The following ARHGEF28 variants were observed in gnomAD, a reference collection of about 807,000 sequenced individuals.
ARHGEF28 encodes Rho guanine nucleotide exchange factor 28.
Under a neutral mutation model 206.6 loss-of-function variants are expected in ARHGEF28, and 152 were observed. The observed-to-expected ratio is 0.74, with a 90% confidence interval of 0.64 to 0.84. The LOEUF (loss-of-function observed/expected upper bound fraction) is 0.84, where lower values mean the gene tolerates loss of function less well. ARHGEF28 is among the 40% of genes least tolerant of loss of function. The pLI is 0.00. For missense variants in ARHGEF28, 2,028 were observed against 2,073.2 expected (o/e 0.98, Z 0.42); for synonymous variants, 763 against 776.4 (o/e 0.98, Z 0.29).
intron 10 of ARHGEF28, among the ~76,000 whole-genome samples, chr5:73,835,529 G>T (rs548871753): frequency 6.6e-6 from 1 of 151,852 alleles, no homozygotes; most frequent in East Asian, 1.9e-4. Context: ...CTGAATACAT[G>T]GGGGTTCCTG....
intron 7 of ARHGEF28, 153 bp from the exon 8 acceptor site, chr5:73,794,249 C>G (rs1033397892): frequency 5.1e-6 from 3 of 593,552 alleles, no homozygotes; most frequent in Non-Finnish European, 8.8e-6. Flanking sequence ...ACACTCTGCT[C>G]TGTGGAGAGC....
intron 11 of ARHGEF28, among the ~76,000 whole-genome samples, chr5:73,841,178 A>T (rs1381293571): frequency 6.6e-6 from 1 of 152,206 alleles, no homozygotes; most frequent in East Asian, 1.9e-4. Context: ...TTATTATAGC[A>T]GCAGGAAATA....
intron 35 of ARHGEF28, among the ~76,000 whole-genome samples, chr5:73,934,384 A>G (rs1422191852): frequency 6.6e-6 from 1 of 152,202 alleles, no homozygotes; most frequent in Non-Finnish European, 1.5e-5. Flanking sequence ...TGTTATTAAA[A>G]TTGATCCTTG....
At chr5:73,832,532 G>A in intron 10 of ARHGEF28, 73 bp downstream of exon 10, 2 of 1,544,096 alleles carry the variant, frequency 1.3e-6, no homozygotes, top group Non-Finnish European at 1.8e-6. Flanking sequence ...AATAGATTCA[G>A]CATTGTTGTG....
At position 73,776,802 on chromosome 5, in the gene ARHGEF28, A is replaced by C. The variant is rs2112453115; in HGVS notation, c.840+106A>C. On this transcript the variant is annotated intron_variant, in intron 6 of 35. Transcript: ENST00000513042. ...TTTTTTGGGGGTAGGACTTTTTTTA[A>C]TGAAACCTTGGGGGACATGAAATTG... is the stretch of plus-strand genomic sequence containing the variant. 7 of 1,051,762 alleles carry C rather than the reference A, an allele frequency of 6.7e-6. No homozygotes were observed. In the South Asian group the frequency reaches 1.4e-4, roughly 21 times the overall value. The allele number at this position is 1,051,762 out of a possible 1,614,324, so 65.2% of individuals were successfully genotyped here. A position where few individuals can be genotyped will look rare whatever the true frequency, so the allele number is the denominator to read the frequency against.
intron 6 of ARHGEF28, among the ~76,000 whole-genome samples, chr5:73,779,558 C>T (rs768460797): frequency 2.6e-5 from 4 of 152,096 alleles, no homozygotes; most frequent in Non-Finnish European, 4.4e-5. Flanking sequence ...CATTGAAAGA[C>T]GGGGGGTCAG....
intron 2 of ARHGEF28, among the ~76,000 whole-genome samples, chr5:73,745,147 GTGT>G (rs1190069770): frequency 6.6e-5 from 10 of 151,962 alleles, no homozygotes; most frequent in Admixed American, 6.6e-4. Context: ...GAGAGTTAAG[GTGT>G]TGTTCAGCAA....
chr5:73,918,848 C>G (rs922727011), intron 35 of ARHGEF28, among the ~76,000 whole-genome samples: 2 of 152,158 alleles, frequency 1.3e-5, no homozygotes, highest in African/African-American at 4.8e-5. Flanking sequence ...AAAAAAAATA[C>G]AGGTTCCTCT....
chr5:73,898,900 GAT>G (rs1245311524), intron 30 of ARHGEF28: 2 of 152,152 alleles, frequency 1.3e-5, no homozygotes, highest in Admixed American at 6.5e-5. Context: ...ATGTGCGTAA[GAT>G]AAAATGGATA....
rs189566076 is a variant in ARHGEF28 at position 73,787,774 on chromosome 5, T to C, written c.911-6628T>C. ...CCTTTTCTGTATTTCCTTTAGTGAC[T>C]GACTTTGCCAGTCCTCTTTCTTCTC... On this transcript the variant is annotated intron_variant, in intron 7 of 35. Transcript: ENST00000513042. Among the ~76,000 whole-genome samples, 157 of 152,344 alleles carry C rather than the reference T, an allele frequency of 1.0e-3. 2 individuals carry two copies. The highest frequency in any genetic ancestry group is 3.6e-3 in the African/African-American group (150 of 41,586).
chr5:73,913,557 G>A (rs767832067), intron 35 of ARHGEF28, among the ~76,000 whole-genome samples: 41 of 152,328 alleles, frequency 2.7e-4, no homozygotes, highest in Non-Finnish European at 4.9e-4. Context: ...GCTAGGCTCC[G>A]TGGGCGCTTG....
rs386404110 is a variant in ARHGEF28, at chr5:73,932,800, CTTTTTTTTTTTTTTT to C, written c.4949-8032_4949-8018del. 9.5e-5 allele frequency among the ~76,000 whole-genome samples: 7 copies of C among 73,436 alleles called. No homozygotes were observed. In the East Asian group the frequency reaches 3.3e-3, roughly 34 times the overall value. 48.2% of individuals were successfully genotyped at this position (73,436 alleles called of 152,430 possible). ...GTTATACTACTTTTATTTCCTATTT[CTTTTTTTTTTTTTTT>C]TTTTTTTTTTTGAGACAGAGTTTCG... On this transcript the variant is annotated intron_variant, in intron 35 of 35. Coordinates refer to ENST00000513042, the MANE Select transcript of ARHGEF28 (RefSeq NM_001177693.2).
At chr5:73,639,791 G>A (rs1403310022) in intron 1 of ARHGEF28, among the ~76,000 whole-genome samples, 2 of 152,142 alleles carry the variant, frequency 1.3e-5, no homozygotes, top group Admixed American at 6.6e-5. Flanking sequence ...CGTGTTGGGG[G>A]TTGACATTTA....
At chr5:73,687,090 C>A (rs1747524446) in intron 2 of ARHGEF28, among the ~76,000 whole-genome samples, 1 of 152,100 alleles carries the variant, frequency 6.6e-6, no homozygotes, top group Non-Finnish European at 1.5e-5. Flanking sequence ...ATATTGTTGT[C>A]ATTTCAGTTT....
chr5:73,789,131 C>T (rs1316164419), intron 7 of ARHGEF28, among the ~76,000 whole-genome samples: 1 of 152,128 alleles, frequency 6.6e-6, no homozygotes, highest in Non-Finnish European at 1.5e-5. Context: ...TATCCATCAG[C>T]TGAGGAATAG....
chr5:73,758,047 C>T, intron 4 of ARHGEF28, among the ~76,000 whole-genome samples: 1 of 152,164 alleles, frequency 6.6e-6, no homozygotes, highest in East Asian at 1.9e-4. Flanking sequence ...CTCCATCAAA[C>T]TACCTCCCTC....
intron 10 of ARHGEF28, among the ~76,000 whole-genome samples, chr5:73,839,245 T>G (rs1170849651): frequency 1.3e-5 from 2 of 152,198 alleles, no homozygotes; most frequent in African/African-American, 4.8e-5. Flanking sequence ...AATTACTGTT[T>G]TTAAAAAATT....
At chr5:73,746,462 A>G (rs1271664432) in intron 2 of ARHGEF28, among the ~76,000 whole-genome samples, 2 of 152,124 alleles carry the variant, frequency 1.3e-5, no homozygotes, top group African/African-American at 4.8e-5. Flanking sequence ...ACCTGTGCAT[A>G]TGAATAAAGA....
chr5:73,930,791 C>G (rs1764071768), intron 35 of ARHGEF28, among the ~76,000 whole-genome samples: 1 of 152,172 alleles, frequency 6.6e-6, no homozygotes, highest in Non-Finnish European at 1.5e-5. Context: ...TTTACACATA[C>G]TCAATATAGT....
Sources: gnomAD v4.1 joint callset for allele counts (sites outside exome capture counted in the v4.1 genomes callset) on GRCh38, gnomAD v4.1.1 for gene constraint, MANE v1.5 for transcripts, NCBI Gene and HGNC (gene_info 2026-07-23, HGNC 2026-07-21) for gene names.